The following ADAM22 variants were observed in gnomAD, a reference collection of about 807,000 sequenced individuals.
ADAM22 encodes ADAM metallopeptidase domain 22, also known as disintegrin and metalloproteinase domain-containing protein 22.
ADAM22 carries 65 observed loss-of-function variants against 144.6 expected under a neutral mutation model. That is an observed-to-expected ratio of 0.45 (90% CI 0.37 to 0.55). ADAM22 has a LOEUF of 0.55. ADAM22 is among the 20% of genes least tolerant of loss of function. The pLI, the probability that ADAM22 is intolerant of heterozygous loss-of-function variation, is 0.00. For missense variants in ADAM22, 974 were observed against 1,184.9 expected (o/e 0.82, Z 2.61); for synonymous variants, 391 against 412.6 (o/e 0.95, Z 0.63).
chr7:88,010,199 A>G (rs897938421), intron 3 of ADAM22, among the ~76,000 whole-genome samples: 8 of 152,340 alleles, frequency 5.3e-5, no homozygotes, highest in East Asian at 1.9e-4. Context: ...AGGACAGGCC[A>G]TGGAACACTG....
chr7:88,134,526 A>G, intron 13 of ADAM22, 107 bp downstream of exon 13: 1 of 738,552 alleles, frequency 1.4e-6, no homozygotes, highest in Admixed American at 3.2e-5. Context: ...AGGAATTTGA[A>G]CGATAGTAAA....
intron 3 of ADAM22, among the ~76,000 whole-genome samples, chr7:88,059,626 C>T (rs1040563802): frequency 2.0e-5 from 3 of 152,174 alleles, no homozygotes; most frequent in Middle Eastern, 3.4e-3. Context: ...AGGCGCTGAT[C>T]GATGGTGGAC....
chr7:88,161,586 A>G (rs1841652388), intron 22 of ADAM22, among the ~76,000 whole-genome samples: 1 of 152,190 alleles, frequency 6.6e-6, no homozygotes, highest in Non-Finnish European at 1.5e-5. Context: ...AAGGTCTAAT[A>G]TCCAGCATCT....
At chr7:87,962,536 T>A (rs1584643319) in intron 2 of ADAM22, among the ~76,000 whole-genome samples, 1 of 152,256 alleles carries the variant, frequency 6.6e-6, no homozygotes, top group East Asian at 1.9e-4. Flanking sequence ...CAACACGAAA[T>A]TCTGTTCACA....
intron 2 of ADAM22, among the ~76,000 whole-genome samples, chr7:87,940,712 T>G (rs966147417): frequency 6.6e-6 from 1 of 152,228 alleles, no homozygotes; most frequent in Admixed American, 6.5e-5. Flanking sequence ...AGCCTTGCTA[T>G]CTTCAAAGTT....
Position 87,934,512 on chromosome 7 carries a change from T to A in ADAM22, c.47T>A (p.Val16Asp), listed in dbSNP as rs1460409192. 6.2e-7 allele frequency: 1 copy of A among 1,609,154 alleles called. No homozygotes were observed. The highest frequency in any genetic ancestry group is 8.5e-7 in the Non-Finnish European group (1 of 1,179,630). ...TCCGTGCCCTTCTTGCTGCTCTGTG[T>A]CCTGGGGACCTGCCCTCCGGCGCGC... ...AVSVPFLLLC[V>D]LGTCPPARCG... Residue 16 changes from valine (V) to aspartate (D), a missense_variant, in exon 1 of 32, where the codon GTC becomes GAC. Physicochemically the swap from Val to Asp is radical, Grantham distance 152. This residue lies in a region of ADAM22 where 240 missense variants were observed against 234.3 expected (regional missense o/e 1.02). Transcript: ENST00000413139.
intron 2 of ADAM22, among the ~76,000 whole-genome samples, chr7:87,937,165 G>A (rs1251625845): frequency 5.9e-5 from 9 of 152,198 alleles, no homozygotes; most frequent in East Asian, 1.9e-4. Context: ...ACCATGTTGC[G>A]CAGGCTGGCC....
At chr7:88,168,485 A>C (rs1843446809) in intron 25 of ADAM22, 1 of 478,394 alleles carries the variant, frequency 2.1e-6, no homozygotes, top group Admixed American at 2.7e-5. Context: ...AATTGAAACC[A>C]GTCTAAATTT....
chr7:87,964,611 G>T, intron 2 of ADAM22: 1 of 419,126 alleles, frequency 2.4e-6, no homozygotes, highest in Non-Finnish European at 4.6e-6. Context: ...TTGAAAAATT[G>T]TACTCATTTA....
At chr7:87,955,486 C>T (rs761463833) in intron 2 of ADAM22, among the ~76,000 whole-genome samples, 34 of 152,166 alleles carry the variant, frequency 2.2e-4, no homozygotes, top group Non-Finnish European at 4.1e-4. Flanking sequence ...TCTGATCGTT[C>T]CTCTGGAAGT....
intron 25 of ADAM22, among the ~76,000 whole-genome samples, chr7:88,169,147 G>A (rs1165276235): frequency 6.6e-6 from 1 of 152,120 alleles, no homozygotes; most frequent in Non-Finnish European, 1.5e-5. Context: ...GTAATTGCTT[G>A]TGAGGTCAAA....
intron 4 of ADAM22, among the ~76,000 whole-genome samples, chr7:88,100,926 G>A (rs180836626): frequency 4.6e-5 from 7 of 151,620 alleles, no homozygotes; most frequent in African/African-American, 1.7e-4. Flanking sequence ...TGTGGTTTTG[G>A]TAGGAAAGCA....
chr7:88,153,888 A>G (rs770444346), intron 21 of ADAM22, among the ~76,000 whole-genome samples: 66 of 152,232 alleles, frequency 4.3e-4, no homozygotes, highest in Non-Finnish European at 9.1e-4. Context: ...AAATTCTTTT[A>G]ACAGTTTTCT....
chr7:87,956,826 C>G (rs960995259), intron 2 of ADAM22, among the ~76,000 whole-genome samples: 3 of 152,144 alleles, frequency 2.0e-5, no homozygotes, highest in African/African-American at 7.2e-5. Context: ...TTTTGATGGA[C>G]ATTTGAGTTA....
chr7:88,156,741 C>T (rs1240656234), intron 22 of ADAM22, among the ~76,000 whole-genome samples: 5 of 152,052 alleles, frequency 3.3e-5, no homozygotes, highest in African/African-American at 4.8e-5. Context: ...GCTTTATACT[C>T]TATAGAGAAT....
chr7:87,975,868 A>T (rs1429859655), intron 2 of ADAM22, among the ~76,000 whole-genome samples: 1 of 152,198 alleles, frequency 6.6e-6, no homozygotes, highest in Non-Finnish European at 1.5e-5. Context: ...GTTCATTTTA[A>T]CTGAAACATC....
rs1436805871 is a variant in ADAM22 at position 88,199,349 on chromosome 7, AT to A, written c.*2860del. On this transcript the variant is annotated 3_prime_UTR_variant, in exon 32 of 32. Transcript: ENST00000413139. The stretch of plus-strand genomic sequence containing the variant: ...GTTTTATGCATTGATAAGACTACAG[AT>A]TGGCACCCTGCTGCCTGAGAAGTTC... 1 of 152,142 alleles carries A rather than the reference AT, an allele frequency of 6.6e-6. No homozygotes were observed. The highest frequency in any genetic ancestry group is 1.5e-5 in the Non-Finnish European group (1 of 68,028). The allele number at this position is 152,142 out of a possible 1,614,324, so 9.4% of individuals were successfully genotyped here.
chr7:88,031,002 G>A (rs991138013), intron 3 of ADAM22, among the ~76,000 whole-genome samples: 4 of 152,170 alleles, frequency 2.6e-5, no homozygotes, highest in Non-Finnish European at 5.9e-5. Flanking sequence ...TGTAGTCCCA[G>A]CTACTCAGGA....
chr7:88,159,754 C>T (rs545094506), intron 22 of ADAM22, among the ~76,000 whole-genome samples: 108 of 152,018 alleles, frequency 7.1e-4, no homozygotes, highest in African/African-American at 2.5e-3. Context: ...AAGGAACATA[C>T]CTCAAAATAA....
Sources: allele counts gnomAD v4.1 joint callset (sites outside exome capture counted in the v4.1 genomes callset), GRCh38; gene constraint gnomAD v4.1.1; regional missense constraint gnomAD v4.1.1; transcripts MANE v1.5; gene names NCBI Gene and HGNC (gene_info 2026-07-23, HGNC 2026-07-21).